The following KIR2DL3 variants were observed in gnomAD, a reference collection of about 807,000 sequenced individuals.
The protein encoded by KIR2DL3 is killer cell immunoglobulin like receptor, two Ig domains and long cytoplasmic tail 3, also known as killer cell immunoglobulin-like receptor 2DL3.
A neutral mutation model predicts 33.8 loss-of-function variants in KIR2DL3; 39 were observed. The observed-to-expected ratio is 1.15, with a 90% CI of 0.89 to 1.51. KIR2DL3 has a LOEUF of 1.51. Ranked by LOEUF, KIR2DL3 falls within the 40% of genes most tolerant of loss-of-function variation. The pLI, the probability that KIR2DL3 is intolerant of heterozygous loss-of-function variation, is 0.00. For missense variants in KIR2DL3, 462 were observed against 426.2 expected, an observed-to-expected ratio of 1.08 and a Z score of -0.74; for synonymous variants, 174 against 160.2, an observed-to-expected ratio of 1.09 and a Z score of -0.65.
In KIR2DL3 at chr19:54,751,382, C is replaced by G. The variant is rs2073394595; in HGVS notation, c.716-267C>G. On this transcript the variant is annotated intron_variant, in intron 5 of 7. Coordinates refer to ENST00000342376, the MANE Select transcript of KIR2DL3 (RefSeq NM_015868.3). The stretch of plus-strand genomic sequence containing the variant: ...CATGACCCAAACACCTCTCAAGAGG[C>G]CCAACCTCCCACAGTGGGGGTGAAA... Among the ~76,000 whole-genome samples the G allele has an allele frequency of 1.5e-5, 2 of 132,704 alleles. 1 individual carries two copies. The highest frequency in any genetic ancestry group is 1.6e-4 in the Admixed American group (2 of 12,842). The allele number at this position is 132,704 out of a possible 152,430, so 87.1% of individuals were successfully genotyped here.
At position 54,752,855 on chromosome 19, in the gene KIR2DL3, T is replaced by C. The variant is rs2073697652; in HGVS notation, c.*336T>C. Reference sequence around the variant, plus strand: ...AGTCTACTTGAGGCTGCAATCACACTGAGGAACTCACAATTCCAAACATAC... The same window carrying C: ...AGTCTACTTGAGGCTGCAATCACACCGAGGAACTCACAATTCCAAACATAC... On this transcript the variant is annotated 3_prime_UTR_variant, in exon 8 of 8. Transcript: ENST00000342376. 4.4e-6 allele frequency: 2 copies of C among 455,240 alleles called. No individual in the cohort carries two copies. Among genetic ancestry groups the C allele is most frequent in the East Asian group, 6.9e-5 (2 of 29,050 alleles). 28.2% of individuals were successfully genotyped at this position (455,240 alleles called of 1,614,324 possible).
chr19:54,741,931 T>C, intron 2 of KIR2DL3, 49 bp from the exon 3 acceptor site: 1 of 1,478,418 alleles, frequency 6.8e-7, no homozygotes, highest in Non-Finnish European at 9.4e-7. Context: ...GTGCCATGGA[T>C]GGGATGATAA....
intron 3 of KIR2DL3, among the ~76,000 whole-genome samples, chr19:54,742,710 G>T (rs2071408663): frequency 1.7e-5 from 2 of 118,188 alleles, no homozygotes; most frequent in South Asian, 6.6e-4. Context: ...GCACCTACAG[G>T]CCATGTTTAT....
chr19:54,750,389 C>G (rs138864582), intron 5 of KIR2DL3, among the ~76,000 whole-genome samples: 16,219 of 124,772 alleles, frequency 0.13, 835 homozygotes, highest in South Asian at 0.23. Flanking sequence ...CCCAGCCTCT[C>G]GGGTAGAACA....
intron 2 of KIR2DL3, among the ~76,000 whole-genome samples, chr19:54,741,056 C>T (rs1212165650): frequency 1.3e-5 from 2 of 151,698 alleles, no homozygotes; most frequent in Non-Finnish European, 2.9e-5. Context: ...AAATAGGGTC[C>T]AATTTCTGTC....
chr19:54,743,532 T>A (rs1228098657), intron 3 of KIR2DL3, among the ~76,000 whole-genome samples: 3 of 152,134 alleles, frequency 2.0e-5, no homozygotes, highest in African/African-American at 7.2e-5. Context: ...TAACATCAAG[T>A]CAACCAATCC....
At chr19:54,744,926 A>ATATATGTGTG in intron 4 of KIR2DL3, among the ~76,000 whole-genome samples, 1 of 15,548 alleles carries the variant, frequency 6.4e-5, no homozygotes, top group South Asian at 2.5e-3. Context: ...ATAAACATAT[A>ATATATGTGTG]TATATATATA....
At chr19:54,746,463 C>A (rs187852511) in intron 4 of KIR2DL3, among the ~76,000 whole-genome samples, 2 of 131,998 alleles carry the variant, frequency 1.5e-5, no homozygotes, top group Non-Finnish European at 3.3e-5. Context: ...AAAATGTCTT[C>A]CTTCAGACAA....
rs751409500 is a variant in KIR2DL3, at chr19:54,738,543, A to G, written c.-3A>G. ...GCGGCCGCCTGTCTGCACAGACAGCACCATGTCGCTCATGGTCGTCAGCAT... is the reference window on the plus strand; with the variant it reads ...GCGGCCGCCTGTCTGCACAGACAGCGCCATGTCGCTCATGGTCGTCAGCAT... On this transcript the variant is annotated 5_prime_UTR_variant, in exon 1 of 8. Transcript: ENST00000342376. 7 of 1,614,196 alleles carry G rather than the reference A, an allele frequency of 4.3e-6. No homozygotes were observed. Among genetic ancestry groups the G allele is most frequent in the Non-Finnish European group, 5.9e-6 (7 of 1,180,048 alleles).
intron 4 of KIR2DL3, among the ~76,000 whole-genome samples, chr19:54,744,954 A>ATATATTTTT (rs1398407460): frequency 3.2e-5 from 1 of 31,282 alleles, no homozygotes; most frequent in Non-Finnish European, 6.0e-5. Flanking sequence ...ATATATATAT[A>ATATATTTTT]TTTTTTTTTT....
chr19:54,744,919 A>C lies in KIR2DL3; in HGVS notation c.664+831A>C, dbSNP rs11880149. Among the ~76,000 whole-genome samples the C allele has an allele frequency of 2.0e-3, 82 of 40,994 alleles. 3 individuals are homozygous for C. The highest frequency in any genetic ancestry group is 3.7e-3 in the Non-Finnish European group (69 of 18,646). The allele number at this position is 40,994 out of a possible 152,430, so 26.9% of individuals were successfully genotyped here. A position where few individuals can be genotyped will look rare whatever the true frequency, so the allele number is the denominator to read the frequency against. On this transcript the variant is annotated intron_variant, in intron 4 of 7. Coordinates refer to ENST00000342376, the MANE Select transcript of KIR2DL3 (RefSeq NM_015868.3). ...ATATACACACACACACACATATATA[A>C]ACATATATATATATATATATATATA...
intron 5 of KIR2DL3, among the ~76,000 whole-genome samples, chr19:54,750,153 CA>C (rs1192550120): frequency 3.7e-5 from 4 of 107,964 alleles, no homozygotes; most frequent in Non-Finnish European, 6.0e-5. Context: ...TTCATCGCAA[CA>C]AAAAACTTGC....
chr19:54,747,078 T>C (rs370663507), intron 4 of KIR2DL3, among the ~76,000 whole-genome samples: 8,242 of 102,212 alleles, frequency 0.081, 413 homozygotes, highest in Middle Eastern at 0.13. Context: ...TTTATGCCAA[T>C]GTGATGCTGT....
intron 5 of KIR2DL3, among the ~76,000 whole-genome samples, chr19:54,748,468 C>T (rs1358783029): frequency 1.4e-5 from 2 of 139,752 alleles, no homozygotes; most frequent in Admixed American, 7.5e-5. Flanking sequence ...CATTCTCCTG[C>T]CTTCCACAAA....
rs561035417 is a variant in KIR2DL3 at position 54,739,036 on chromosome 19, T to C, written c.34+457T>C. Among the ~76,000 whole-genome samples, 15 of 136,968 alleles carry C rather than the reference T, an allele frequency of 1.1e-4. No individual in the cohort carries two copies. The East Asian group carries it at 3.0e-3, about 27-fold the overall frequency. 89.9% of individuals were successfully genotyped at this position (136,968 alleles called of 152,430 possible). ...GAGATATGGGCCTGGAGTGGAGATA[T>C]GGGCCAGGAGTGGAGTTATGGGCCT... On this transcript the variant is annotated intron_variant, in intron 1 of 7. Coordinates refer to ENST00000342376, the MANE Select transcript of KIR2DL3 (RefSeq NM_015868.3).
intron 5 of KIR2DL3, among the ~76,000 whole-genome samples, chr19:54,748,431 G>A (rs2072904157): frequency 7.1e-6 from 1 of 140,036 alleles, no homozygotes; most frequent in Non-Finnish European, 1.6e-5. Context: ...ATGGAGGCTA[G>A]GACAGGGACA....
chr19:54,744,326 A>G (rs575365525), intron 4 of KIR2DL3, among the ~76,000 whole-genome samples: 1 of 152,096 alleles, frequency 6.6e-6, no homozygotes, highest in South Asian at 2.1e-4. Context: ...AACGGTCAGG[A>G]GAGACCCAGA....
intron 3 of KIR2DL3, among the ~76,000 whole-genome samples, chr19:54,743,181 G>A (rs1344689724): frequency 1.3e-5 from 2 of 152,036 alleles, no homozygotes; most frequent in African/African-American, 4.8e-5. Flanking sequence ...TGATAAATAG[G>A]TAGATGATAG....
rs2071766564 is a variant in KIR2DL3 at position 54,744,084 on chromosome 19, C to T, written c.660C>T (p.Val220=). The T allele has an allele frequency of 3.1e-6, 5 of 1,614,186 alleles. No individual in the cohort carries two copies. Among genetic ancestry groups the T allele is most frequent in the Non-Finnish European group, 4.2e-6 (5 of 1,180,040 alleles). The change falls in exon 4 of 8, where the codon GTC becomes GTT. Residue 220 remains valine, a synonymous_variant. Coordinates refer to ENST00000342376, the MANE Select transcript of KIR2DL3 (RefSeq NM_015868.3). ...CGAGTGACCCACTGCTTGTTTCTGT[C>T]ACAGGTGAGGAAACCCCATATCTGT... ...SNSSDPLLVS[V]TGNPSNSWPS...
Sources: gnomAD v4.1 joint callset for allele counts (sites outside exome capture counted in the v4.1 genomes callset) on GRCh38, gnomAD v4.1.1 for gene constraint, MANE v1.5 for transcripts, NCBI Gene and HGNC (gene_info 2026-07-23, HGNC 2026-07-21) for gene names.